Variants in INTS4 observed in about 807,000 individuals in gnomAD.
The protein encoded by INTS4 is integrator complex subunit 4.
In INTS4, 70 loss-of-function variants were observed where a neutral mutation model predicts 119.5. The observed-to-expected ratio is 0.59, with a 90% CI of 0.48 to 0.71. The LOEUF (loss-of-function observed/expected upper bound fraction) is 0.71. Among genes scored for constraint, INTS4 ranks in the 30% least tolerant of loss-of-function variants. The pLI is 0.00. For synonymous variants in INTS4, 316 were observed against 419.6 expected (o/e 0.75, Z 3.02); for missense variants, 867 against 1,173.2 (o/e 0.74, Z 3.81).
intron 10 of INTS4, among the ~76,000 whole-genome samples, chr11:77,937,817 G>T (rs76948373): frequency 3.7e-4 from 54 of 146,318 alleles, no homozygotes; most frequent in African/African-American, 1.3e-3. Flanking sequence ...ATATCTTTCT[G>T]TATTTATTTA....
intron 4 of INTS4, among the ~76,000 whole-genome samples, chr11:77,974,521 G>A (rs1855870039): frequency 6.6e-6 from 1 of 151,078 alleles, no homozygotes; most frequent in Non-Finnish European, 1.5e-5. Flanking sequence ...GATTACAGGT[G>A]TGAGCCACTG....
chr11:77,993,346 C>T (rs1856772588), intron 1 of INTS4, among the ~76,000 whole-genome samples: 1 of 152,152 alleles, frequency 6.6e-6, no homozygotes, highest in South Asian at 2.1e-4. Context: ...TCTTGAAGCA[C>T]AAATGTTAAG....
At chr11:77,949,643 A>G (rs1954139290) in intron 8 of INTS4, among the ~76,000 whole-genome samples, 1 of 152,230 alleles carries the variant, frequency 6.6e-6, no homozygotes, top group Non-Finnish European at 1.5e-5. Flanking sequence ...TCATTAGAGA[A>G]ATGCAAATCA....
chr11:77,915,557 G>A (rs565650960), intron 15 of INTS4, among the ~76,000 whole-genome samples: 1 of 152,120 alleles, frequency 6.6e-6, no homozygotes, highest in Non-Finnish European at 1.5e-5. Flanking sequence ...TCCCAGGGGA[G>A]CCCAGGACAC....
At chr11:77,884,959 T>C (rs1951940283) in intron 21 of INTS4, 1 of 208,580 alleles carries the variant, frequency 4.8e-6, no homozygotes, top group African/African-American at 2.3e-5. Flanking sequence ...AAGATCTTGC[T>C]ATGTTGCCCA....
At chr11:77,979,617 A>G (rs1055268154) in intron 3 of INTS4, among the ~76,000 whole-genome samples, 3 of 151,782 alleles carry the variant, frequency 2.0e-5, no homozygotes, top group Admixed American at 1.3e-4. Flanking sequence ...TTCTATATAC[A>G]TAGTGTGCTC....
At position 77,977,565 on chromosome 11, in the gene INTS4, A is replaced by G. The variant is rs191063245; in HGVS notation, c.471+1431T>C. On this transcript the variant is annotated intron_variant, in intron 4 of 22. Coordinates refer to ENST00000534064, the MANE Select transcript of INTS4 (RefSeq NM_033547.4). ...TACAGAAAAAAAATCAGAAAGCCAT[A>G]TATCAAAAGACAAATAATGATTCCC... Among the ~76,000 whole-genome samples, 35 of 152,080 alleles carry G rather than the reference A, an allele frequency of 2.3e-4. No individual in the cohort carries two copies. The East Asian group carries it at 6.7e-3, about 29-fold the overall frequency.
chr11:77,891,295 C>T, intron 21 of INTS4, 24 bp downstream of exon 21: 2 of 1,606,310 alleles, frequency 1.2e-6, no homozygotes, highest in Non-Finnish European at 1.7e-6. Flanking sequence ...CTAGAAGCTC[C>T]ATGAGGACCC....
intron 8 of INTS4, among the ~76,000 whole-genome samples, chr11:77,952,409 G>A (rs1445984195): frequency 1.3e-5 from 2 of 152,172 alleles, no homozygotes; most frequent in Admixed American, 1.3e-4. Context: ...TTACCTCAGA[G>A]AGTTTAAAAA....
At chr11:77,968,104 T>A (rs146946766) in intron 4 of INTS4, among the ~76,000 whole-genome samples, 49 of 152,260 alleles carry the variant, frequency 3.2e-4, no homozygotes, top group Non-Finnish European at 5.1e-4. Context: ...TCTAAACATA[T>A]CTACACATAG....
At chr11:77,957,138 G>GC (rs1404962719) in intron 7 of INTS4, among the ~76,000 whole-genome samples, 3 of 152,028 alleles carry the variant, frequency 2.0e-5, no homozygotes, top group African/African-American at 7.2e-5. Flanking sequence ...TCACCATGTT[G>GC]CCCAGGCTGA....
intron 2 of INTS4, chr11:77,987,563 G>A (rs1038634302): frequency 2.3e-6 from 1 of 433,152 alleles, no homozygotes; most frequent in African/African-American, 2.1e-5. Context: ...AAAACTTCTT[G>A]AGAACAGAAA....
At chr11:77,972,046 G>C (rs1855754420) in intron 4 of INTS4, among the ~76,000 whole-genome samples, 1 of 152,044 alleles carries the variant, frequency 6.6e-6, no homozygotes, top group Non-Finnish European at 1.5e-5. Context: ...AATGGTACTG[G>C]CATCCATATA....
intron 15 of INTS4, among the ~76,000 whole-genome samples, chr11:77,908,174 C>T (rs1565237014): frequency 1.3e-5 from 2 of 152,016 alleles, no homozygotes; most frequent in Non-Finnish European, 2.9e-5. Context: ...AACTCAGTAG[C>T]TACTTATTCA....
At chr11:77,951,022 C>A (rs1954180693) in intron 8 of INTS4, among the ~76,000 whole-genome samples, 1 of 151,958 alleles carries the variant, frequency 6.6e-6, no homozygotes, top group African/African-American at 2.4e-5. Context: ...TGGTTTCCAG[C>A]TTCATCCATG....
chr11:77,946,618 G>A (rs1032715057), intron 8 of INTS4, among the ~76,000 whole-genome samples: 15 of 151,994 alleles, frequency 9.9e-5, no homozygotes, highest in South Asian at 4.2e-4. Context: ...AAAATTAGTC[G>A]GGTGTGGTGG....
rs766516019 is a variant in INTS4, at chr11:77,956,012, G to A, written c.848C>T (p.Ala283Val). Residue 283 changes from alanine to valine, a missense_variant, in exon 8 of 23, where the codon GCG (alanine) becomes GTG (valine). Transcript: ENST00000534064. ...GACCATGTGACAAATTTTGCCAAAC[G>A]CATCATCAACTAAGCGTATTTCTTC... ...SNEEIRLVDD[A>V]FGKICHMVSD... 11 of 1,610,708 alleles carry A rather than the reference G, an allele frequency of 6.8e-6. No individual in the cohort carries two copies. The highest frequency in any genetic ancestry group is 5.0e-5 in the Admixed American group (3 of 59,630).
Position 77,891,776 on chromosome 11 carries a change from G to A in INTS4, c.2353C>T (p.Pro785Ser), listed in dbSNP as rs746875147. ...GCAGGTTTGGATGTCATGAGTCGGGGCATAAGGTCAAGGAGTTTGTCCACA... is the reference window on the plus strand; with the variant it reads ...GCAGGTTTGGATGTCATGAGTCGGGACATAAGGTCAAGGAGTTTGTCCACA... The part of the protein sequence containing the change: ...SFVDKLLDLM[P>S]RLMTSKPAEV... The change falls in exon 20 of 23, where the codon CCC becomes TCC. Residue 785 changes from proline (P) to serine (S), a missense_variant. This residue lies in a region of INTS4 where 262 missense variants were observed against 376.0 expected (regional missense o/e 0.70). Transcript: ENST00000534064. 1.2e-5 allele frequency: 19 copies of A among 1,611,878 alleles called. No homozygotes were observed. The highest frequency in any genetic ancestry group is 4.5e-5 in the East Asian group (2 of 44,886).
At chr11:77,908,455 A>T (rs1953015217) in intron 15 of INTS4, among the ~76,000 whole-genome samples, 1 of 151,236 alleles carries the variant, frequency 6.6e-6, no homozygotes, top group Non-Finnish European at 1.5e-5. Context: ...TAGCCTCCTG[A>T]CTAGCTGGGA....
Sources: allele counts gnomAD v4.1 joint callset (sites outside exome capture counted in the v4.1 genomes callset), GRCh38; gene constraint gnomAD v4.1.1; regional missense constraint gnomAD v4.1.1; transcripts MANE v1.5; gene names NCBI Gene and HGNC (gene_info 2026-07-23, HGNC 2026-07-21).